The following COMMD10 variants were observed in gnomAD, a reference collection of about 807,000 sequenced individuals.
The protein encoded by COMMD10 is COMM domain containing 10, also known as COMM domain-containing protein 10.
In COMMD10, 33 loss-of-function variants were observed where a neutral mutation model predicts 28.9. That is an observed-to-expected ratio of 1.14 (90% CI 0.87 to 1.53). The LOEUF is 1.53. Ranked by LOEUF, COMMD10 falls within the 40% of genes most tolerant of loss-of-function variation. COMMD10 has a pLI of 0.00. For missense variants in COMMD10, 310 were observed against 233.4 expected, an observed-to-expected ratio of 1.33 and a Z score of -2.14; for synonymous variants, 110 against 81.7, an observed-to-expected ratio of 1.35 and a Z score of -1.87.
At position 116,257,114 on chromosome 5, in the gene COMMD10, C is replaced by G. The variant is rs973223956; in HGVS notation, c.511-34403C>G. Reference sequence around the variant, plus strand: ...GAAATATTGGAAACATTTGAGAGATCAAGAAATGGGTCCTCTAGGGATGAG... The same window carrying G: ...GAAATATTGGAAACATTTGAGAGATGAAGAAATGGGTCCTCTAGGGATGAG... On this transcript the variant is annotated intron_variant, in intron 5 of 6. Transcript: ENST00000274458. Among the ~76,000 whole-genome samples the G allele has an allele frequency of 2.2e-4, 34 of 151,626 alleles. 1 individual carries two copies. The highest frequency in any genetic ancestry group is 8.3e-4 in the African/African-American group (34 of 41,090).
At chr5:116,211,044 TTAAA>T (rs1410385873) in intron 5 of COMMD10, among the ~76,000 whole-genome samples, 2 of 152,118 alleles carry the variant, frequency 1.3e-5, no homozygotes, top group African/African-American at 4.8e-5. Context: ...TGTTAATAAT[TTAAA>T]TATTGCTAAA....
intron 5 of COMMD10, among the ~76,000 whole-genome samples, chr5:116,203,670 C>T (rs1748733218): frequency 6.6e-6 from 1 of 151,970 alleles, no homozygotes; most frequent in African/African-American, 2.4e-5. Flanking sequence ...AAATAAAATA[C>T]TTTACAGACA....
At chr5:116,162,635 T>A (rs1005381187) in intron 5 of COMMD10, among the ~76,000 whole-genome samples, 2 of 152,220 alleles carry the variant, frequency 1.3e-5, no homozygotes, top group African/African-American at 4.8e-5. Context: ...TAGAAATAAT[T>A]TGGTTGAAAA....
At chr5:116,231,551 ATG>A (rs1749529869) in intron 5 of COMMD10, among the ~76,000 whole-genome samples, 1 of 152,096 alleles carries the variant, frequency 6.6e-6, no homozygotes, top group Non-Finnish European at 1.5e-5. Context: ...ACTAAAATCT[ATG>A]GAGATCAAAG....
intron 5 of COMMD10, among the ~76,000 whole-genome samples, chr5:116,139,274 C>G (rs757786263): frequency 2.6e-5 from 4 of 151,670 alleles, no homozygotes; most frequent in African/African-American, 9.7e-5. Flanking sequence ...ATTAGAAACA[C>G]CATTTATTCT....
At chr5:116,102,048 A>G (rs561187661) in intron 4 of COMMD10, among the ~76,000 whole-genome samples, 2 of 152,222 alleles carry the variant, frequency 1.3e-5, no homozygotes, top group African/African-American at 4.8e-5. Context: ...TTCCTGGGCA[A>G]ATCTTCTTAG....
At chr5:116,180,469 T>A (rs1439668858) in intron 5 of COMMD10, among the ~76,000 whole-genome samples, 1 of 152,094 alleles carries the variant, frequency 6.6e-6, no homozygotes, top group East Asian at 1.9e-4. Flanking sequence ...TTTTCCTGTA[T>A]TAGTGTTGGG....
At chr5:116,216,963 T>A (rs1749119410) in intron 5 of COMMD10, among the ~76,000 whole-genome samples, 1 of 152,156 alleles carries the variant, frequency 6.6e-6, no homozygotes, top group South Asian at 2.1e-4. Context: ...ATGAAAGGAT[T>A]TATCAGGATG....
intron 5 of COMMD10, among the ~76,000 whole-genome samples, chr5:116,157,241 A>C (rs1287516872): frequency 6.6e-6 from 1 of 152,108 alleles, no homozygotes; most frequent in Non-Finnish European, 1.5e-5. Flanking sequence ...ATTTTTTTAA[A>C]TTGTGGCAGG....
At position 116,292,448 on chromosome 5, in the gene COMMD10, T is replaced by C; in HGVS notation, c.571-3T>C. On this transcript the variant is annotated splice_polypyrimidine_tract_variant and splice_region_variant and intron_variant, in intron 6 of 6. Coordinates refer to ENST00000274458, the MANE Select transcript of COMMD10 (RefSeq NM_016144.4). The stretch of plus-strand genomic sequence containing the variant: ...CTTTTTTTTTTTTTGTCTTTGTAAA[T>C]AGCTAGAGACTATACAAGCACAGCT... The C allele has an allele frequency of 6.6e-7, 1 of 1,505,820 alleles. No homozygotes were observed. The highest frequency in any genetic ancestry group is 1.4e-5 in the African/African-American group (1 of 71,550). 93.3% of individuals were successfully genotyped at this position (1,505,820 alleles called of 1,614,324 possible).
intron 5 of COMMD10, among the ~76,000 whole-genome samples, chr5:116,207,396 T>C (rs955317046): frequency 2.6e-5 from 4 of 152,218 alleles, no homozygotes; most frequent in Admixed American, 1.3e-4. Flanking sequence ...GATCTGTTAC[T>C]TTCTGGATTC....
chr5:116,105,286 C>T (rs961610547), intron 4 of COMMD10, among the ~76,000 whole-genome samples: 1 of 152,168 alleles, frequency 6.6e-6, no homozygotes, highest in Non-Finnish European at 1.5e-5. Flanking sequence ...CTTGAACCAG[C>T]CTTGCATCCC....
intron 5 of COMMD10, among the ~76,000 whole-genome samples, chr5:116,139,177 C>A (rs971746839): frequency 4.0e-5 from 6 of 151,674 alleles, no homozygotes; most frequent in Non-Finnish European, 7.4e-5. Context: ...TAAGGTTGTT[C>A]ATAGGATTAT....
Position 116,126,324 on chromosome 5 carries a change from G to A in COMMD10, c.400-7744G>A, listed in dbSNP as rs932528485. ...TCCATGCTCATGAATAGGAAGAATC[G>A]ATATCATGAAAATGGCCATACTGCC... On this transcript the variant is annotated intron_variant, in intron 4 of 6. Coordinates refer to ENST00000274458, the MANE Select transcript of COMMD10 (RefSeq NM_016144.4). Among the ~76,000 whole-genome samples the A allele has an allele frequency of 8.7e-4, 132 of 152,078 alleles. 1 individual carries two copies. The highest frequency in any genetic ancestry group is 8.3e-4 in the South Asian group (4 of 4,816).
At chr5:116,230,128 G>A (rs926908958) in intron 5 of COMMD10, among the ~76,000 whole-genome samples, 2 of 151,932 alleles carry the variant, frequency 1.3e-5, no homozygotes, top group Non-Finnish European at 2.9e-5. Flanking sequence ...TCTGAATTAT[G>A]TTCACTAAAA....
At chr5:116,098,864 G>A (rs926514741) in intron 4 of COMMD10, among the ~76,000 whole-genome samples, 1 of 152,114 alleles carries the variant, frequency 6.6e-6, no homozygotes, top group Non-Finnish European at 1.5e-5. Flanking sequence ...TATTCAGGGT[G>A]TGCAATGTGA....
At chr5:116,283,453 T>C (rs1751129139) in intron 5 of COMMD10, among the ~76,000 whole-genome samples, 1 of 151,538 alleles carries the variant, frequency 6.6e-6, no homozygotes, top group Admixed American at 6.6e-5. Context: ...TTCAAGCGAT[T>C]CTCCTGCCTC....
intron 5 of COMMD10, among the ~76,000 whole-genome samples, chr5:116,242,617 T>C (rs979250109): frequency 1.3e-5 from 2 of 152,184 alleles, no homozygotes; most frequent in African/African-American, 4.8e-5. Flanking sequence ...CCTTAACAAG[T>C]ACTTTTGACC....
intron 5 of COMMD10, among the ~76,000 whole-genome samples, chr5:116,190,143 C>T (rs1183921755): frequency 6.6e-6 from 1 of 152,100 alleles, no homozygotes; most frequent in East Asian, 1.9e-4. Flanking sequence ...ACCACAGCCT[C>T]ACACATCACA....
Sources: allele counts gnomAD v4.1 joint callset (sites outside exome capture counted in the v4.1 genomes callset), GRCh38; gene constraint gnomAD v4.1.1; transcripts MANE v1.5; gene names NCBI Gene and HGNC (gene_info 2026-07-23, HGNC 2026-07-21).